NUFIP2: variants seen among roughly 807,000 people sequenced by gnomAD.
NUFIP2 encodes the protein nuclear FMR1 interacting protein 2.
NUFIP2 carries 6 observed loss-of-function variants against 56.9 expected under a neutral mutation model. The ratio of observed to expected loss-of-function variants is 0.11; its 90% CI spans 0.06 to 0.21. The LOEUF is 0.21. Ranked by LOEUF, NUFIP2 falls within the 10% of genes least tolerant of loss-of-function variation. The probability of loss-of-function intolerance (pLI) is 1.00; values close to 1 mark genes in which losing one functional copy is unlikely to be tolerated. For synonymous variants in NUFIP2, 321 were observed against 298.2 expected, an observed-to-expected ratio of 1.08 and a Z score of -0.79; for missense variants, 828 against 826.8, an observed-to-expected ratio of 1.00 and a Z score of -0.02.
At position 29,286,006 on chromosome 17, in the gene NUFIP2, A is replaced by G. The variant is rs1598435186; in HGVS notation, c.1988T>C (p.Val663Ala). 4.8e-5 allele frequency: 77 copies of G among 1,611,760 alleles called. No homozygotes were observed. The highest frequency in any genetic ancestry group is 1.7e-4 in the Middle Eastern group (1 of 6,048). Residue 663 changes from valine (V) to alanine (A), a missense_variant, in exon 2 of 4, where the codon GTA (valine) becomes GCA (alanine). Around this residue, in one of 3 missense-constraint regions of NUFIP2, gnomAD observed 404 missense variants for 380.3 expected, o/e 1.06. Transcript: ENST00000225388. ...AAATGAGTTACCTTTAGTGTGATATACAATAGCAGCCCTCAGGTCAAAAGA... is the reference window on the plus strand; with the variant it reads ...AAATGAGTTACCTTTAGTGTGATATGCAATAGCAGCCCTCAGGTCAAAAGA... ...WGSFDLRAAIVYHTKEMESIW... is the reference protein window; with the variant it reads ...WGSFDLRAAIAYHTKEMESIW...
At chr17:29,285,941 A>G (rs2153012448) in intron 2 of NUFIP2, 51 bp downstream of exon 2, 1 of 1,333,926 alleles carries the variant, frequency 7.5e-7, no homozygotes, top group East Asian at 2.3e-5. Context: ...AATATAAACA[A>G]TATACTAAAT....
At chr17:29,290,464 G>A (rs927505472) in intron 1 of NUFIP2, among the ~76,000 whole-genome samples, 15 of 151,466 alleles carry the variant, frequency 9.9e-5, no homozygotes, top group African/African-American at 1.7e-4. Flanking sequence ...AGACCAGTCC[G>A]GCCAACATGG....
intron 2 of NUFIP2, among the ~76,000 whole-genome samples, chr17:29,269,807 G>A (rs2069060768): frequency 6.6e-6 from 1 of 151,914 alleles, no homozygotes; most frequent in African/African-American, 2.4e-5. Flanking sequence ...TGCAAGCTCC[G>A]CCTCCCGGGT....
At position 29,260,864 on chromosome 17, in the gene NUFIP2, C is replaced by T. The variant is rs1408877977; in HGVS notation, c.*3675G>A. ...AAATTCTAAAATGGAGAAACTCTGG[C>T]CATTTATTTCAAAGAAAAAAAAATC... On this transcript the variant is annotated 3_prime_UTR_variant, in exon 4 of 4. Transcript: ENST00000225388. 6.6e-6 allele frequency: 1 copy of T among 151,928 alleles called. No individual in the cohort carries two copies. The highest frequency in any genetic ancestry group is 1.5e-5 in the Non-Finnish European group (1 of 67,964). 9.4% of individuals were successfully genotyped at this position (151,928 alleles called of 1,614,324 possible).
Position 29,286,058 on chromosome 17 carries a change from C to G in NUFIP2, c.1936G>C (p.Gly646Arg), listed in dbSNP as rs757848448. 13 of 1,614,004 alleles carry G rather than the reference C, an allele frequency of 8.1e-6. No individual in the cohort carries two copies. Among genetic ancestry groups the G allele is most frequent in the Middle Eastern group, 1.6e-4 (1 of 6,084 alleles). Residue 646 changes from glycine (G) to arginine (R), a missense_variant, in exon 2 of 4, where the codon GGC (glycine) becomes CGC (arginine). This residue lies in a region of NUFIP2 where 404 missense variants were observed against 380.3 expected (regional missense o/e 1.06). Transcript: ENST00000225388. ...GSAKEQRYQRGLERNDSWGSF... is the reference protein window; with the variant it reads ...GSAKEQRYQRRLERNDSWGSF... Reference sequence around the variant, plus strand: ...CCCCAGCTATCATTCCTTTCTAGGCCTCTCTGGTATCTCTGTTCTTTGGCA... The same window carrying G: ...CCCCAGCTATCATTCCTTTCTAGGCGTCTCTGGTATCTCTGTTCTTTGGCA...
chr17:29,256,004 AG>A lies in NUFIP2; in HGVS notation c.*8534del, dbSNP rs1227199761. On this transcript the variant is annotated 3_prime_UTR_variant, in exon 4 of 4. Coordinates refer to ENST00000225388, the MANE Select transcript of NUFIP2 (RefSeq NM_020772.3). ...CTGAACATGATGAAGACATCAATAA[AG>A]GAAGATCATCACGTAAATGACACTT... 6.6e-6 allele frequency: 1 copy of A among 152,274 alleles called. No homozygotes were observed. The highest frequency in any genetic ancestry group is 2.4e-5 in the African/African-American group (1 of 41,474). 9.4% of individuals were successfully genotyped at this position (152,274 alleles called of 1,614,324 possible).
At chr17:29,272,254 T>C (rs1176396954) in intron 2 of NUFIP2, among the ~76,000 whole-genome samples, 3 of 150,508 alleles carry the variant, frequency 2.0e-5, no homozygotes, top group African/African-American at 7.3e-5. Flanking sequence ...TTTTTTTTTT[T>C]TTTGAGACAA....
chr17:29,278,069 A>G lies in NUFIP2; in HGVS notation c.2002+7923T>C, dbSNP rs187403633. ...ACAGCATGCTTTCAAGTAATTCTGA[A>G]TTAAGGTAGTTAGAAGTCACCACCT... On this transcript the variant is annotated intron_variant, in intron 2 of 3. Transcript: ENST00000225388. Among the ~76,000 whole-genome samples, 28 of 152,262 alleles carry G rather than the reference A, an allele frequency of 1.8e-4. No individual in the cohort carries two copies. The East Asian group carries it at 5.2e-3, about 28-fold the overall frequency.
chr17:29,274,549 AGCTATAAT>A (rs1411850059), intron 2 of NUFIP2, among the ~76,000 whole-genome samples: 3 of 152,236 alleles, frequency 2.0e-5, no homozygotes, highest in African/African-American at 7.2e-5. Context: ...ACTGCTTTTG[AGCTATAAT>A]GCAGAACCAA....
intron 2 of NUFIP2, among the ~76,000 whole-genome samples, chr17:29,281,377 A>C (rs975695867): frequency 1.7e-4 from 26 of 152,058 alleles, no homozygotes; most frequent in African/African-American, 5.8e-4. Context: ...CTGTGGTCCC[A>C]GCTACTCAGG....
At chr17:29,268,413 GCATT>G (rs1386664298) in intron 2 of NUFIP2, among the ~76,000 whole-genome samples, 22 of 152,264 alleles carry the variant, frequency 1.4e-4, no homozygotes, top group African/African-American at 5.3e-4. Context: ...TTTGAACAAA[GCATT>G]CATCAAATTT....
rs899389825 is a variant in NUFIP2, at chr17:29,263,781, T to TA, written c.*757dup. 2 of 152,646 alleles carry TA rather than the reference T, an allele frequency of 1.3e-5. No individual in the cohort carries two copies. Among genetic ancestry groups the TA allele is most frequent in the Non-Finnish European group, 2.9e-5 (2 of 68,042 alleles). 9.5% of individuals were successfully genotyped at this position (152,646 alleles called of 1,614,324 possible). ...TGACACGCATAGATTCTTCAGTTGT[T>TA]AAAGTCCAATATGTAACCGAAGCCA... On this transcript the variant is annotated 3_prime_UTR_variant, in exon 4 of 4. Transcript: ENST00000225388.
chr17:29,267,100 C>G (rs1028341046), intron 3 of NUFIP2, among the ~76,000 whole-genome samples: 6 of 151,958 alleles, frequency 3.9e-5, no homozygotes, highest in African/African-American at 1.5e-4. Context: ...GACAGGGTCT[C>G]ACCATGTTGG....
intron 2 of NUFIP2, among the ~76,000 whole-genome samples, chr17:29,283,610 G>C (rs1028675676): frequency 6.6e-6 from 1 of 152,108 alleles, no homozygotes; most frequent in Non-Finnish European, 1.5e-5. Flanking sequence ...GGTGGTAAGA[G>C]AACACAACAC....
chr17:29,282,522 T>A (rs1170394985), intron 2 of NUFIP2, among the ~76,000 whole-genome samples: 2 of 149,048 alleles, frequency 1.3e-5, no homozygotes, highest in Admixed American at 6.8e-5. Flanking sequence ...CACTCCAGCC[T>A]GGGCAACAGA....
chr17:29,283,626 G>A (rs1175834163), intron 2 of NUFIP2, among the ~76,000 whole-genome samples: 1 of 151,980 alleles, frequency 6.6e-6, no homozygotes, highest in Non-Finnish European at 1.5e-5. Flanking sequence ...AACACAACCA[G>A]ATACCCTCTC....
At chr17:29,281,963 A>G (rs1205686769) in intron 2 of NUFIP2, among the ~76,000 whole-genome samples, 2 of 151,542 alleles carry the variant, frequency 1.3e-5, no homozygotes, top group African/African-American at 4.8e-5. Context: ...ATGGGGTTTC[A>G]CTGTTAGCCA....
At chr17:29,287,806 C>G in intron 1 of NUFIP2, 90 bp from the exon 2 acceptor site, 1 of 1,212,734 alleles carries the variant, frequency 8.2e-7, no homozygotes, top group East Asian at 2.5e-5. Context: ...TTACTGTATG[C>G]TAGACACTAT....
chr17:29,287,973 C>T (rs1396701299), intron 1 of NUFIP2, among the ~76,000 whole-genome samples: 1 of 152,172 alleles, frequency 6.6e-6, no homozygotes. Flanking sequence ...GAAGACAAGA[C>T]CTCTTAAGCA....
Sources: gnomAD v4.1 joint callset for allele counts (sites outside exome capture counted in the v4.1 genomes callset) on GRCh38, gnomAD v4.1.1 for gene constraint, gnomAD v4.1.1 regional missense constraint, MANE v1.5 for transcripts, NCBI Gene and HGNC (gene_info 2026-07-23, HGNC 2026-07-21) for gene names.